SRR: variants seen among roughly 807,000 people sequenced by gnomAD.
SRR encodes the protein D-serine ammonia-lyase.
A neutral mutation model predicts 32.7 loss-of-function variants in SRR; 19 were observed. The observed-to-expected ratio is 0.58, with a 90% CI of 0.40 to 0.85. SRR has a LOEUF of 0.85. Ranked by LOEUF, SRR falls within the 40% of genes least tolerant of loss-of-function variation. The pLI is 0.00. For synonymous variants in SRR, 142 were observed against 140.9 expected, an observed-to-expected ratio of 1.01 and a Z score of -0.06; for missense variants, 373 against 404.7, an observed-to-expected ratio of 0.92 and a Z score of 0.67.
chr17:2,305,953 C>T (rs1448622665), intron 1 of SRR, among the ~76,000 whole-genome samples: 3 of 151,872 alleles, frequency 2.0e-5, no homozygotes, highest in Non-Finnish European at 4.4e-5. Flanking sequence ...CCCGCCTCAA[C>T]CTCCTAAAGT....
At chr17:2,318,206 G>A (rs953063757) in intron 3 of SRR, among the ~76,000 whole-genome samples, 13 of 152,088 alleles carry the variant, frequency 8.5e-5, no homozygotes, top group Non-Finnish European at 1.6e-4. Flanking sequence ...GAGCGGTGAC[G>A]CGATCTCGGC....
At chr17:2,313,689 T>C (rs1242110768) in intron 1 of SRR, among the ~76,000 whole-genome samples, 2 of 152,024 alleles carry the variant, frequency 1.3e-5, no homozygotes, top group African/African-American at 2.4e-5. Flanking sequence ...TGAGCCACAG[T>C]CATGCCACTG....
intron 1 of SRR, among the ~76,000 whole-genome samples, chr17:2,311,651 T>A (rs1413826275): frequency 6.6e-6 from 1 of 152,078 alleles, no homozygotes; most frequent in East Asian, 1.9e-4. Flanking sequence ...AAATAAATAA[T>A]GCCTCCAATT....
intron 4 of SRR, among the ~76,000 whole-genome samples, chr17:2,320,500 C>T (rs1392975643): frequency 8.6e-5 from 13 of 151,706 alleles, no homozygotes; most frequent in East Asian, 1.9e-4. Flanking sequence ...GTGATCTGCC[C>T]GCCTTGGCCT....
Position 2,323,772 on chromosome 17 carries a change from A to G in SRR, c.922A>G (p.Ile308Val), listed in dbSNP as rs1567780807. The change falls in exon 8 of 8, where the codon ATT (isoleucine) becomes GTT (valine). Residue 308 changes from isoleucine to valine, a missense_variant. Physicochemically the swap from Ile to Val is conservative, Grantham distance 29 (BLOSUM62 3). Coordinates refer to ENST00000344595, the MANE Select transcript of SRR (RefSeq NM_021947.3). ...AACTGTTTCCCCAGAAGTAAAGAAC[A>G]TTTGTATTGTGCTCAGTGGTGGAAA... Reference protein sequence around the residue: ...FQTVSPEVKNICIVLSGGNVD... With the variant: ...FQTVSPEVKNVCIVLSGGNVD... 3 of 1,614,172 alleles carry G rather than the reference A, an allele frequency of 1.9e-6. No homozygotes were observed. Among genetic ancestry groups the G allele is most frequent in the Non-Finnish European group, 2.5e-6 (3 of 1,180,036 alleles).
upstream of SRR, chr17:2,303,823 T>G: frequency 3.2e-6 from 3 of 923,532 alleles, no homozygotes; most frequent in East Asian, 3.4e-5. Flanking sequence ...CTCCCGGCCT[T>G]TCCCCGCCCC....
chr17:2,320,235 T>C (rs936172643), intron 4 of SRR, among the ~76,000 whole-genome samples: 3 of 148,208 alleles, frequency 2.0e-5, no homozygotes, highest in Admixed American at 6.8e-5. Flanking sequence ...CCTATCTTTC[T>C]GACCTCATCT....
chr17:2,313,345 G>C (rs931576670), intron 1 of SRR, among the ~76,000 whole-genome samples: 1 of 151,310 alleles, frequency 6.6e-6, no homozygotes, highest in Non-Finnish European at 1.5e-5. Flanking sequence ...CAGGAGAATC[G>C]CTTGAACCTG....
Position 2,307,302 on chromosome 17 carries a change from G to A in SRR, c.-5+3285G>A, listed in dbSNP as rs1333808352. 3.6e-6 allele frequency: 4 copies of A among 1,101,052 alleles called. No individual in the cohort carries two copies. The African/African-American group carries it at 6.1e-5, about 17-fold the overall frequency. 68.2% of individuals were successfully genotyped at this position (1,101,052 alleles called of 1,614,324 possible). A position where few individuals can be genotyped will look rare whatever the true frequency, so the allele number is the denominator to read the frequency against. On this transcript the variant is annotated intron_variant, in intron 1 of 7. Transcript: ENST00000344595. The stretch of plus-strand genomic sequence containing the variant: ...ACAACTGTGAAATTAGGAAAGGCCT[G>A]TCAAAGCAAGAGATGGTGAGTGCTT...
intron 6 of SRR, among the ~76,000 whole-genome samples, chr17:2,322,309 C>T (rs989854171): frequency 6.6e-6 from 1 of 152,134 alleles, no homozygotes; most frequent in African/African-American, 2.4e-5. Context: ...CCCTGAATTC[C>T]ATGTCATCAA....
chr17:2,303,582 AG>A, upstream of SRR: 1 of 1,374,122 alleles, frequency 7.3e-7, no homozygotes, highest in South Asian at 1.6e-5. Flanking sequence ...GGAGGAGGAG[AG>A]GGAGGCGGGG....
intron 1 of SRR, among the ~76,000 whole-genome samples, chr17:2,304,977 C>T (rs1228372280): frequency 6.6e-6 from 1 of 152,194 alleles, no homozygotes; most frequent in African/African-American, 2.4e-5. Flanking sequence ...TCCACAGCCC[C>T]ATAGGCTTTT....
At chr17:2,307,993 A>G (rs1459235840) in intron 1 of SRR, among the ~76,000 whole-genome samples, 8 of 150,846 alleles carry the variant, frequency 5.3e-5, no homozygotes, top group Non-Finnish European at 8.9e-5. Context: ...TTTGCACCCA[A>G]GCTGTTGATT....
At chr17:2,307,615 G>C (rs543251394) in intron 1 of SRR, 1 of 957,956 alleles carries the variant, frequency 1.0e-6, no homozygotes, top group African/African-American at 1.6e-5. Flanking sequence ...AGAAGCTCTG[G>C]CCCCTATGGT....
chr17:2,323,399 G>C, intron 7 of SRR, 54 bp downstream of exon 7: 1 of 1,602,584 alleles, frequency 6.2e-7, no homozygotes, highest in Non-Finnish European at 8.5e-7. Flanking sequence ...TTCTTAGGCA[G>C]AAGAAACTTC....
chr17:2,307,106 C>T lies in SRR; in HGVS notation c.-5+3089C>T, dbSNP rs1030201369. ...TTTGTTGGTGGCATTAACGAAGACA[C>T]TGAAGAATATCACCTAAGTGATTAT... On this transcript the variant is annotated intron_variant, in intron 1 of 7. Transcript: ENST00000344595. The T allele has an allele frequency of 3.6e-6, 4 of 1,121,100 alleles. No individual in the cohort carries two copies. In the African/African-American group the frequency reaches 6.1e-5, roughly 17 times the overall value. 69.4% of individuals were successfully genotyped at this position (1,121,100 alleles called of 1,614,324 possible).
intron 1 of SRR, among the ~76,000 whole-genome samples, chr17:2,305,979 G>A (rs1027053036): frequency 1.3e-5 from 2 of 150,944 alleles, no homozygotes; most frequent in African/African-American, 4.8e-5. Context: ...GATTACAGGC[G>A]TGAGCCACCG....
intron 1 of SRR, among the ~76,000 whole-genome samples, chr17:2,305,125 C>G (rs952232666): frequency 6.6e-6 from 1 of 152,152 alleles, no homozygotes; most frequent in Non-Finnish European, 1.5e-5. Context: ...AGAAGAAAGT[C>G]AGTAGATGAT....
Position 2,324,635 on chromosome 17 carries a change from C to A in SRR, c.*762C>A. ...AAACATTTACCCACAAAATGTAAAC[C>A]CAACCTTTATACCACAAAGGCAATC... is the stretch of plus-strand genomic sequence containing the variant. On this transcript the variant is annotated 3_prime_UTR_variant, in exon 8 of 8. Coordinates refer to ENST00000344595, the MANE Select transcript of SRR (RefSeq NM_021947.3). The A allele has an allele frequency of 6.2e-7, 1 of 1,613,944 alleles. No individual in the cohort carries two copies. Among genetic ancestry groups the A allele is most frequent in the Non-Finnish European group, 8.5e-7 (1 of 1,179,996 alleles).
Sources: gnomAD v4.1 joint callset for allele counts (sites outside exome capture counted in the v4.1 genomes callset) on GRCh38, gnomAD v4.1.1 for gene constraint, MANE v1.5 for transcripts, NCBI Gene and HGNC (gene_info 2026-07-23, HGNC 2026-07-21) for gene names.